DNAH7: variants seen among roughly 807,000 people sequenced by gnomAD.
DNAH7 encodes the protein axonemal beta dynein heavy chain 7.
Under a neutral mutation model 444.6 loss-of-function variants are expected in DNAH7, and 397 were observed. That is an observed-to-expected ratio of 0.89 (90% confidence interval 0.82 to 0.97). The LOEUF is 0.97. Ranked by LOEUF, DNAH7 falls within the 50% of genes least tolerant of loss-of-function variation. The pLI is 0.00. For missense variants in DNAH7, 4,902 were observed against 4,800.8 expected (o/e 1.02, Z -0.62); for synonymous variants, 1,636 against 1,624.4 (o/e 1.01, Z -0.17).
chr2:196,052,729 G>A (rs895724474), intron 2 of DNAH7, among the ~76,000 whole-genome samples: 4 of 152,146 alleles, frequency 2.6e-5, no homozygotes, highest in African/African-American at 9.7e-5. Context: ...TTCTAAGAAC[G>A]TTTCAAAAAG....
At position 195,923,662 on chromosome 2, in the gene DNAH7, A is replaced by G. The variant is rs986027702; in HGVS notation, c.3758T>C (p.Leu1253Pro). Residue 1253 changes from leucine to proline, a missense_variant, in exon 23 of 65, where the codon CTT (leucine) becomes CCT (proline). Physicochemically the swap from Leu to Pro is moderately conservative, Grantham distance 98. Transcript: ENST00000312428. ...GTCATCGCTAATATTTTTTTTTACA[A>G]GTGATGAGAGGACATCTCTAGCATG... ...DVHARDVLSS[L>P]VKKNISDDSD... 1 of 1,614,036 alleles carries G rather than the reference A, an allele frequency of 6.2e-7. No individual in the cohort carries two copies. Among genetic ancestry groups the G allele is most frequent in the African/African-American group, 1.3e-5 (1 of 74,928 alleles).
chr2:195,756,322 A>T (rs1284360013), intron 61 of DNAH7, 37 bp from the exon 62 acceptor site: 1 of 1,488,268 alleles, frequency 6.7e-7, no homozygotes, highest in South Asian at 1.4e-5. Flanking sequence ...ATAATAGTAT[A>T]GATTATGATA....
chr2:195,915,884 C>G (rs1171546845), intron 24 of DNAH7, among the ~76,000 whole-genome samples: 1 of 152,192 alleles, frequency 6.6e-6, no homozygotes, highest in Admixed American at 6.5e-5. Context: ...CATGAGAGCT[C>G]TGAATTGAGG....
At chr2:196,036,027 CTTT>C (rs750452521) in intron 5 of DNAH7, among the ~76,000 whole-genome samples, 1,893 of 129,456 alleles carry the variant, frequency 0.015, 50 homozygotes, top group African/African-American at 0.05. Flanking sequence ...TCTCCACATT[CTTT>C]TTTTTTTTTT....
intron 24 of DNAH7, among the ~76,000 whole-genome samples, chr2:195,916,348 C>T (rs910072382): frequency 3.9e-5 from 6 of 151,910 alleles, no homozygotes; most frequent in Non-Finnish European, 8.8e-5. Context: ...TTTTTTGAGA[C>T]AAGGTCTCAC....
chr2:195,767,065 A>G (rs1694623910), intron 61 of DNAH7, among the ~76,000 whole-genome samples: 1 of 151,886 alleles, frequency 6.6e-6, no homozygotes, highest in South Asian at 2.1e-4. Flanking sequence ...TTATTTTATT[A>G]TGCTTTTTGT....
chr2:195,999,192 A>C (rs1408409447), intron 12 of DNAH7: 1 of 717,476 alleles, frequency 1.4e-6, no homozygotes, highest in East Asian at 2.7e-5. Flanking sequence ...GAAAGGTGAC[A>C]GACCTTTGAA....
intron 39 of DNAH7, among the ~76,000 whole-genome samples, chr2:195,873,351 C>T (rs1700830716): frequency 6.6e-6 from 1 of 152,162 alleles, no homozygotes; most frequent in African/African-American, 2.4e-5. Context: ...AAAATAATAA[C>T]TCAAACGTGA....
At chr2:195,930,185 A>G (rs1006193506) in intron 21 of DNAH7, among the ~76,000 whole-genome samples, 3 of 152,236 alleles carry the variant, frequency 2.0e-5, no homozygotes, top group African/African-American at 7.2e-5. Flanking sequence ...TCTACTAAAA[A>G]TACAAAAATT....
At chr2:195,957,567 A>G (rs1039437271) in intron 18 of DNAH7, 120 bp from the exon 19 acceptor site, 5 of 465,412 alleles carry the variant, frequency 1.1e-5, no homozygotes, top group Non-Finnish European at 1.8e-5. Flanking sequence ...ATTGTTATAC[A>G]TTATATACAA....
At chr2:195,903,053 G>C (rs1026392641) in intron 27 of DNAH7, 1 of 152,150 alleles carries the variant, frequency 6.6e-6, no homozygotes, top group Non-Finnish European at 1.5e-5. Context: ...AACATGCCAA[G>C]ACTTGAGTAA....
rs1214778896 is a variant in DNAH7 at position 195,972,390 on chromosome 2, G to A, written c.1910C>T (p.Ala637Val). 5 of 1,613,926 alleles carry A rather than the reference G, an allele frequency of 3.1e-6. No homozygotes were observed. The highest frequency in any genetic ancestry group is 4.2e-6 in the Non-Finnish European group (5 of 1,179,998). Residue 637 changes from alanine (A) to valine (V), a missense_variant, in exon 16 of 65, where the codon GCC (alanine) becomes GTC (valine). Coordinates refer to ENST00000312428, the MANE Select transcript of DNAH7 (RefSeq NM_018897.3). Reference sequence around the variant, plus strand: ...AAAGTTGACATACTCGATGAGGAAGGCGAGGCAGTTTTTGGAATCCACTAA... The same window carrying A: ...AAAGTTGACATACTCGATGAGGAAGACGAGGCAGTTTTTGGAATCCACTAA... ...QRLVDSKNCL[A>V]FLIEYVNFSP... is the part of the protein sequence containing the mutation.
At chr2:195,931,248 T>C (rs1001489674) in intron 21 of DNAH7, among the ~76,000 whole-genome samples, 4 of 152,192 alleles carry the variant, frequency 2.6e-5, no homozygotes, top group African/African-American at 9.6e-5. Flanking sequence ...TCTGTTCATA[T>C]TCTTCCCCAC....
intron 17 of DNAH7, among the ~76,000 whole-genome samples, chr2:195,961,659 A>G (rs1033330295): frequency 2.0e-5 from 3 of 152,220 alleles, no homozygotes; most frequent in African/African-American, 7.2e-5. Flanking sequence ...TGGTTACATT[A>G]GTTAAAATAG....
At chr2:195,941,592 A>T (rs1689452931) in intron 19 of DNAH7, among the ~76,000 whole-genome samples, 1 of 152,020 alleles carries the variant, frequency 6.6e-6, no homozygotes, top group African/African-American at 2.4e-5. Flanking sequence ...ATAAAAAATA[A>T]AAAAAGAGAT....
intron 1 of DNAH7, among the ~76,000 whole-genome samples, chr2:196,064,355 T>TAATA (rs936392050): frequency 6.8e-6 from 1 of 147,998 alleles, no homozygotes; most frequent in African/African-American, 2.5e-5. Flanking sequence ...AAATAATAAA[T>TAATA]AATAAATAAA....
intron 17 of DNAH7, among the ~76,000 whole-genome samples, chr2:195,966,894 A>T (rs750728772): frequency 2.2e-4 from 34 of 152,002 alleles, no homozygotes; most frequent in Admixed American, 3.3e-4. Context: ...TGTTTTTTTT[A>T]AAAAAACCAT....
At chr2:195,786,953 C>T in intron 58 of DNAH7, 57 bp downstream of exon 58, 2 of 1,496,428 alleles carry the variant, frequency 1.3e-6, no homozygotes, top group Non-Finnish European at 1.8e-6. Flanking sequence ...CTATAACACA[C>T]TTATAACATG....
At chr2:196,018,788 A>G (rs1695184930) in intron 9 of DNAH7, among the ~76,000 whole-genome samples, 1 of 152,108 alleles carries the variant, frequency 6.6e-6, no homozygotes, top group Non-Finnish European at 1.5e-5. Context: ...ATAATACTTT[A>G]ATTGTACATT....
Sources: allele counts gnomAD v4.1 joint callset (sites outside exome capture counted in the v4.1 genomes callset), GRCh38; gene constraint gnomAD v4.1.1; transcripts MANE v1.5; gene names NCBI Gene and HGNC (gene_info 2026-07-23, HGNC 2026-07-21).